LIPA: variants seen among roughly 807,000 people sequenced by gnomAD.
The protein encoded by LIPA is lipase A, lysosomal acid type.
Under a neutral mutation model 40.6 loss-of-function variants are expected in LIPA, and 26 were observed. The observed-to-expected ratio is 0.64, with a 90% CI of 0.47 to 0.89. The LOEUF (loss-of-function observed/expected upper bound fraction) is 0.89, where lower values mean the gene tolerates loss of function less well. Ranked by LOEUF, LIPA falls within the 40% of genes least tolerant of loss-of-function variation. The pLI, the probability that LIPA is intolerant of heterozygous loss-of-function variation, is 0.00. For synonymous variants in LIPA, 188 were observed against 168.4 expected (o/e 1.12, Z -0.90); for missense variants, 455 against 479.6 (o/e 0.95, Z 0.48).
chr10:89,264,315 C>T (rs563866209), intron 1 of LIPA, among the ~76,000 whole-genome samples: 1 of 152,316 alleles, frequency 6.6e-6, no homozygotes, highest in East Asian at 1.9e-4. Context: ...TATTGAGCAA[C>T]AGTACAGCTC....
intron 2 of LIPA, among the ~76,000 whole-genome samples, chr10:89,361,691 G>A (rs1844022377): frequency 6.6e-6 from 1 of 152,038 alleles, no homozygotes; most frequent in South Asian, 2.1e-4. Flanking sequence ...CTGATATCAT[G>A]ATGTTGATAA....
intron 2 of LIPA, among the ~76,000 whole-genome samples, chr10:89,370,446 G>C (rs965643224): frequency 1.8e-4 from 27 of 151,824 alleles, no homozygotes. Flanking sequence ...TGTTGCCCAG[G>C]CTGGTCTCAA....
intron 1 of LIPA, among the ~76,000 whole-genome samples, chr10:89,261,519 A>G (rs1490264107): frequency 6.6e-6 from 1 of 152,140 alleles, no homozygotes; most frequent in East Asian, 1.9e-4. Flanking sequence ...AAATAAATTA[A>G]TTAATTAAAA....
At chr10:89,226,026 T>C (rs1333947251) in intron 5 of LIPA, among the ~76,000 whole-genome samples, 1 of 152,188 alleles carries the variant, frequency 6.6e-6, no homozygotes, top group African/African-American at 2.4e-5. Flanking sequence ...CAGTCTCGGG[T>C]ATGTCTTTAG....
At chr10:89,263,405 A>T (rs1349246927) in intron 1 of LIPA, among the ~76,000 whole-genome samples, 1 of 152,230 alleles carries the variant, frequency 6.6e-6, no homozygotes, top group Non-Finnish European at 1.5e-5. Context: ...AAAAACTACA[A>T]ATGTCACTTT....
intron 2 of LIPA, among the ~76,000 whole-genome samples, chr10:89,356,213 G>T (rs1448675726): frequency 6.6e-6 from 1 of 151,998 alleles, no homozygotes; most frequent in African/African-American, 2.4e-5. Context: ...CAAGGTATGG[G>T]GTGAGTAGGG....
At chr10:89,301,973 T>C in intron 1 of LIPA, 1 of 628,100 alleles carries the variant, frequency 1.6e-6, no homozygotes, top group South Asian at 2.6e-5. Flanking sequence ...TTTTGTAACG[T>C]CAGCTGAAGG....
At chr10:89,405,115 C>G (rs1844509540) in intron 2 of LIPA, 1 of 152,202 alleles carries the variant, frequency 6.6e-6, no homozygotes, top group Non-Finnish European at 1.5e-5. Flanking sequence ...GTGAGAGACA[C>G]AGATAGCAGT....
intron 1 of LIPA, among the ~76,000 whole-genome samples, chr10:89,341,729 A>G (rs369592003): frequency 6.6e-6 from 1 of 152,130 alleles, no homozygotes; most frequent in African/African-American, 2.4e-5. Flanking sequence ...TAGAATATAG[A>G]CCCTACACCA....
At chr10:89,374,102 C>A (rs949445254) in intron 2 of LIPA, among the ~76,000 whole-genome samples, 1 of 152,154 alleles carries the variant, frequency 6.6e-6, no homozygotes, top group Non-Finnish European at 1.5e-5. Flanking sequence ...GGTTGTAAAC[C>A]ACTGTTCAAG....
intron 1 of LIPA, among the ~76,000 whole-genome samples, chr10:89,336,937 T>C (rs1843751376): frequency 6.6e-6 from 1 of 152,226 alleles, no homozygotes; most frequent in African/African-American, 2.4e-5. Flanking sequence ...GGAACACACT[T>C]AGAGAACTCT....
chr10:89,221,230 A>T (rs56916314), intron 8 of LIPA, among the ~76,000 whole-genome samples: 19,810 of 151,896 alleles, frequency 0.13, 1,405 homozygotes, highest in African/African-American at 0.15. Flanking sequence ...ATTTTTTTTT[A>T]AAATAATAAA....
chr10:89,315,696 C>A (rs572924085), intron 1 of LIPA, among the ~76,000 whole-genome samples: 1 of 152,180 alleles, frequency 6.6e-6, no homozygotes, highest in Non-Finnish European at 1.5e-5. Context: ...CATTTTACAG[C>A]TGGGTAAACT....
At chr10:89,302,654 G>A (rs1485525795) in intron 1 of LIPA, among the ~76,000 whole-genome samples, 1 of 152,156 alleles carries the variant, frequency 6.6e-6, no homozygotes, top group Admixed American at 6.5e-5. Context: ...CACAAGGGCT[G>A]GTAAACTTAA....
At chr10:89,289,244 T>C (rs1403171889) in intron 1 of LIPA, among the ~76,000 whole-genome samples, 8 of 152,256 alleles carry the variant, frequency 5.3e-5, no homozygotes, top group South Asian at 2.1e-4. Flanking sequence ...TATCGTCATT[T>C]CATAACCTCT....
intron 2 of LIPA, among the ~76,000 whole-genome samples, chr10:89,406,912 T>A (rs1464994513): frequency 6.6e-6 from 1 of 152,138 alleles, no homozygotes; most frequent in African/African-American, 2.4e-5. Context: ...CCCTTTCACT[T>A]GCTATTCATC....
chr10:89,339,234 T>C, intron 1 of LIPA: 2 of 1,614,198 alleles, frequency 1.2e-6, no homozygotes, highest in Non-Finnish European at 8.5e-7. Context: ...AGTTCTCTAC[T>C]GATGTTTTGA....
intron 2 of LIPA, among the ~76,000 whole-genome samples, chr10:89,374,670 G>A (rs1424419595): frequency 2.6e-5 from 4 of 152,136 alleles, no homozygotes; most frequent in African/African-American, 9.7e-5. Context: ...GTTGATTCAG[G>A]GCTAGTGCCT....
At chr10:89,386,290 C>T (rs961295796) in intron 2 of LIPA, among the ~76,000 whole-genome samples, 1 of 152,116 alleles carries the variant, frequency 6.6e-6, no homozygotes, top group Non-Finnish European at 1.5e-5. Context: ...TTACTTGGAT[C>T]CTTGAAAGCG....
Sources: allele counts gnomAD v4.1 joint callset (sites outside exome capture counted in the v4.1 genomes callset), GRCh38; gene constraint gnomAD v4.1.1; transcripts MANE v1.5; gene names NCBI Gene and HGNC (gene_info 2026-07-23, HGNC 2026-07-21).